GPATCH2: variants seen among roughly 807,000 people sequenced by gnomAD.
GPATCH2 encodes the protein G-patch domain containing 2.
GPATCH2 carries 51 observed loss-of-function variants against 58.0 expected under a neutral mutation model. That is an observed-to-expected ratio of 0.88 (90% CI 0.70 to 1.11). GPATCH2 has a LOEUF of 1.11. GPATCH2 is among the 50% of genes most tolerant of loss of function. The probability of loss-of-function intolerance (pLI) is 0.00; values close to 1 mark genes in which losing one functional copy is unlikely to be tolerated. For synonymous variants in GPATCH2, 222 were observed against 218.5 expected (o/e 1.02, Z -0.14); for missense variants, 625 against 652.2 (o/e 0.96, Z 0.45).
At chr1:217,446,181 AT>A (rs1206368898) in intron 9 of GPATCH2, among the ~76,000 whole-genome samples, 1 of 152,104 alleles carries the variant, frequency 6.6e-6, no homozygotes, top group East Asian at 1.9e-4. Flanking sequence ...TATCATCTGC[AT>A]TTTTCTTGTT....
intron 5 of GPATCH2, among the ~76,000 whole-genome samples, chr1:217,586,975 T>C (rs1342255566): frequency 6.6e-6 from 1 of 152,196 alleles, no homozygotes; most frequent in African/African-American, 2.4e-5. Flanking sequence ...AAATTCTTGA[T>C]AGTAGTTACT....
intron 5 of GPATCH2, among the ~76,000 whole-genome samples, chr1:217,575,899 T>C (rs1364332766): frequency 6.6e-6 from 1 of 152,152 alleles, no homozygotes; most frequent in Non-Finnish European, 1.5e-5. Flanking sequence ...AATTCTAAAT[T>C]TTTAAAAATC....
At chr1:217,529,325 T>C (rs1052467409) in intron 5 of GPATCH2, among the ~76,000 whole-genome samples, 5 of 152,066 alleles carry the variant, frequency 3.3e-5, no homozygotes, top group African/African-American at 1.2e-4. Flanking sequence ...TATTGGGAGG[T>C]GGGGCCTAGT....
At chr1:217,473,997 A>G (rs564719027) in intron 8 of GPATCH2, among the ~76,000 whole-genome samples, 147 of 152,352 alleles carry the variant, frequency 9.6e-4, no homozygotes, top group African/African-American at 3.3e-3. Context: ...AAATTTGATT[A>G]TAGGACTCAT....
At chr1:217,622,779 A>G (rs911892738) in intron 1 of GPATCH2, among the ~76,000 whole-genome samples, 3 of 152,190 alleles carry the variant, frequency 2.0e-5, no homozygotes, top group Non-Finnish European at 4.4e-5. Context: ...TCCTGACTTC[A>G]AGTGATCCAC....
At chr1:217,488,744 T>G (rs564440819) in intron 8 of GPATCH2, among the ~76,000 whole-genome samples, 1 of 152,216 alleles carries the variant, frequency 6.6e-6, no homozygotes, top group Admixed American at 6.5e-5. Flanking sequence ...CAGGCTGAAG[T>G]GCAGTGGCAT....
intron 1 of GPATCH2, among the ~76,000 whole-genome samples, chr1:217,622,866 G>T (rs1342491224): frequency 6.6e-6 from 1 of 152,156 alleles, no homozygotes; most frequent in East Asian, 1.9e-4. Flanking sequence ...TTAGAACATT[G>T]AATTTGATTA....
intron 5 of GPATCH2, among the ~76,000 whole-genome samples, chr1:217,546,330 T>C (rs1053235930): frequency 1.1e-4 from 16 of 152,124 alleles, no homozygotes. Flanking sequence ...AGAACAAAGC[T>C]GGAGACATCA....
chr1:217,452,249 T>C (rs1177016855), intron 8 of GPATCH2, among the ~76,000 whole-genome samples: 2 of 152,208 alleles, frequency 1.3e-5, no homozygotes, highest in African/African-American at 4.8e-5. Flanking sequence ...AACTAAAGAA[T>C]GATGCAAGTT....
chr1:217,553,073 T>C (rs1665440331), intron 5 of GPATCH2, among the ~76,000 whole-genome samples: 1 of 152,136 alleles, frequency 6.6e-6, no homozygotes, highest in Non-Finnish European at 1.5e-5. Context: ...AAGTTCATTT[T>C]TCTTAAGGGG....
chr1:217,441,903 A>G (rs1342056855), intron 9 of GPATCH2, among the ~76,000 whole-genome samples: 3 of 152,174 alleles, frequency 2.0e-5, no homozygotes, highest in Non-Finnish European at 2.9e-5. Flanking sequence ...GGGAGTGCAA[A>G]TTAGTTCAAC....
rs1435079800 is a variant in GPATCH2, at chr1:217,427,045, AAAC to A, written c.*4097_*4099del. The stretch of plus-strand genomic sequence containing the variant: ...AACATAGTGAAATGCCTCTTACAGC[AAAC>A]AAAACTCAACACTTCAATGCATATT... On this transcript the variant is annotated 3_prime_UTR_variant, in exon 10 of 10. Coordinates refer to ENST00000366935, the MANE Select transcript of GPATCH2 (RefSeq NM_018040.5). 6.6e-6 allele frequency: 1 copy of A among 152,200 alleles called. No individual in the cohort carries two copies. Among genetic ancestry groups the A allele is most frequent in the East Asian group, 1.9e-4 (1 of 5,194 alleles). The allele number at this position is 152,200 out of a possible 1,614,324, so 9.4% of individuals were successfully genotyped here.
At position 217,430,635 on chromosome 1, in the gene GPATCH2, G is replaced by T. The variant is rs187831697; in HGVS notation, c.*510C>A. ...CACTCTGTCAGAAAATCCTCACCAA[G>T]AAGCCAATTCAAGGAATATGAAATT... is the stretch of plus-strand genomic sequence containing the variant. On this transcript the variant is annotated 3_prime_UTR_variant, in exon 10 of 10. Coordinates refer to ENST00000366935, the MANE Select transcript of GPATCH2 (RefSeq NM_018040.5). 12 of 156,168 alleles carry T rather than the reference G, an allele frequency of 7.7e-5. No homozygotes were observed. The East Asian group carries it at 2.3e-3, about 29-fold the overall frequency. The allele number at this position is 156,168 out of a possible 1,614,324, so 9.7% of individuals were successfully genotyped here.
intron 5 of GPATCH2, among the ~76,000 whole-genome samples, chr1:217,583,652 A>G (rs577507004): frequency 1.3e-5 from 2 of 151,890 alleles, no homozygotes; most frequent in African/African-American, 4.8e-5. Context: ...TCTTTTTTTA[A>G]GAACTGATTA....
chr1:217,576,703 T>G (rs1374775826), intron 5 of GPATCH2, among the ~76,000 whole-genome samples: 1 of 152,174 alleles, frequency 6.6e-6, no homozygotes, highest in Non-Finnish European at 1.5e-5. Context: ...TTGACATGAC[T>G]GTTGACCTAC....
At chr1:217,456,762 A>C (rs189261849) in intron 8 of GPATCH2, among the ~76,000 whole-genome samples, 6 of 152,352 alleles carry the variant, frequency 3.9e-5, no homozygotes, top group African/African-American at 1.4e-4. Flanking sequence ...CCTAAAATAG[A>C]AAATACTTGT....
chr1:217,498,501 C>A lies in GPATCH2; in HGVS notation c.1167-106G>T, dbSNP rs571722656. On this transcript the variant is annotated intron_variant, in intron 6 of 9. Transcript: ENST00000366935. ...AAGAAATTTGTCACCAGCAACACAG[C>A]CTTAAATATGCTTTATTTTAATGGA... 6 of 806,544 alleles carry A rather than the reference C, an allele frequency of 7.4e-6. No individual in the cohort carries two copies. In the South Asian group the frequency reaches 8.3e-5, roughly 11 times the overall value. 50.0% of individuals were successfully genotyped at this position (806,544 alleles called of 1,614,324 possible).
intron 8 of GPATCH2, among the ~76,000 whole-genome samples, chr1:217,481,582 G>T (rs1202672970): frequency 6.6e-6 from 1 of 152,176 alleles, no homozygotes; most frequent in Non-Finnish European, 1.5e-5. Flanking sequence ...CTAAGGCCAG[G>T]TGCAGTGGCT....
chr1:217,575,536 T>C (rs1407200562), intron 5 of GPATCH2, among the ~76,000 whole-genome samples: 1 of 152,172 alleles, frequency 6.6e-6, no homozygotes, highest in African/African-American at 2.4e-5. Context: ...CAATGCATCA[T>C]GACATGAGAA....
Sources: gnomAD v4.1 joint callset for allele counts (sites outside exome capture counted in the v4.1 genomes callset) on GRCh38, gnomAD v4.1.1 for gene constraint, MANE v1.5 for transcripts, NCBI Gene and HGNC (gene_info 2026-07-23, HGNC 2026-07-21) for gene names.